Variants in UBN1 observed in about 807,000 individuals in gnomAD.
UBN1 encodes ubinuclein-1.
Under a neutral mutation model 108.5 loss-of-function variants are expected in UBN1, and 17 were observed. That is an observed-to-expected ratio of 0.16 (90% confidence interval 0.11 to 0.24). The LOEUF (loss-of-function observed/expected upper bound fraction) is 0.24, where lower values mean the gene tolerates loss of function less well. Among genes scored for constraint, UBN1 ranks in the 10% least tolerant of loss-of-function variants. The pLI is 1.00. For missense variants in UBN1, 1,595 were observed against 1,394.4 expected (o/e 1.14, Z -2.29); for synonymous variants, 726 against 564.2 (o/e 1.29, Z -4.07).
chr16:4,880,012 G>T, intron 17 of UBN1, 71 bp from the exon 18 acceptor site: 1 of 1,550,300 alleles, frequency 6.5e-7, no homozygotes, highest in South Asian at 1.1e-5. Context: ...CTTGAAGTTT[G>T]GTTACTACTG....
chr16:4,865,941 A>T (rs1235651252), intron 7 of UBN1, among the ~76,000 whole-genome samples: 1 of 152,156 alleles, frequency 6.6e-6, no homozygotes, highest in Non-Finnish European at 1.5e-5. Flanking sequence ...CAGCCTGGGC[A>T]ACAGAACAAG....
At chr16:4,874,035 T>G (rs1307279406) in intron 14 of UBN1, among the ~76,000 whole-genome samples, 176 bp from the exon 15 acceptor site, 1 of 152,138 alleles carries the variant, frequency 6.6e-6, no homozygotes, top group African/African-American at 2.4e-5. Context: ...GGTGATGAAG[T>G]CATGGCATCT....
Position 4,881,571 on chromosome 16 carries a change from G to C in UBN1, c.*1439G>C, listed in dbSNP as rs1290456678. ...GACCGCTCTTGGCTCCTGACTCCCA[G>C]GGTACAGCGCCCAGTAACTCATCCT... On this transcript the variant is annotated 3_prime_UTR_variant, in exon 18 of 18. Coordinates refer to ENST00000262376, the MANE Select transcript of UBN1 (RefSeq NM_001079514.3). The C allele has an allele frequency of 6.6e-6, 1 of 152,158 alleles. No homozygotes were observed. Among genetic ancestry groups the C allele is most frequent in the Non-Finnish European group, 1.5e-5 (1 of 68,040 alleles). The allele number at this position is 152,158 out of a possible 1,614,324, so 9.4% of individuals were successfully genotyped here. A position where few individuals can be genotyped will look rare whatever the true frequency, so the allele number is the denominator to read the frequency against.
chr16:4,864,446 G>C (rs1003320125), intron 7 of UBN1, among the ~76,000 whole-genome samples: 2 of 152,196 alleles, frequency 1.3e-5, no homozygotes, highest in African/African-American at 2.4e-5. Flanking sequence ...CCTTGGTGAT[G>C]CCTCTGCCAC....
chr16:4,855,251 T>C (rs1334560315), intron 2 of UBN1, among the ~76,000 whole-genome samples: 1 of 152,198 alleles, frequency 6.6e-6, no homozygotes. Flanking sequence ...GTCGGTCTTA[T>C]TCACAGGTGT....
rs1183528299 is a variant in UBN1 at position 4,852,845 on chromosome 16, C to T, written c.-39-34C>T. ...GGCAGGTAAACTATTTTATCATCTT[C>T]GTTTGACCTGGCCCTTCTTTTCAAT... On this transcript the variant is annotated intron_variant, in intron 1 of 17. Transcript: ENST00000262376. 37 of 1,513,886 alleles carry T rather than the reference C, an allele frequency of 2.4e-5. No homozygotes were observed. In the Admixed American group the frequency reaches 4.0e-4, roughly 16 times the overall value. The allele number at this position is 1,513,886 out of a possible 1,614,324, so 93.8% of individuals were successfully genotyped here.
intron 15 of UBN1, 121 bp from the exon 16 acceptor site, chr16:4,876,750 C>T: frequency 6.8e-7 from 1 of 1,464,954 alleles, no homozygotes; most frequent in Non-Finnish European, 9.1e-7. Flanking sequence ...GGCCATCTGA[C>T]ATGGATGTGT....
intron 7 of UBN1, among the ~76,000 whole-genome samples, chr16:4,863,276 A>T (rs1303081122): frequency 6.6e-6 from 1 of 152,112 alleles, no homozygotes; most frequent in Non-Finnish European, 1.5e-5. Flanking sequence ...GCTTAATGCT[A>T]CTCCGAAGGG....
At position 4,874,847 on chromosome 16, in the gene UBN1, C is replaced by G; in HGVS notation, c.2437C>G (p.Gln813Glu). ...QVKVFHAGTQ[Q>E]QKNFTPPSPF... Reference sequence around the variant, plus strand: ...CAAAGTCTTTCATGCCGGCACTCAGCAGCAGAAAAACTTCACGCCCCCATC... The same window carrying G: ...CAAAGTCTTTCATGCCGGCACTCAGGAGCAGAAAAACTTCACGCCCCCATC... The change falls in exon 15 of 18, where the codon CAG becomes GAG. Residue 813 changes from glutamine (Q) to glutamate (E), a missense_variant. Gln to Glu is a conservative substitution (Grantham distance 29, BLOSUM62 2). This residue lies in a region of UBN1 where 1,398 missense variants were observed against 1,194.7 expected (regional missense o/e 1.17). Coordinates refer to ENST00000262376, the MANE Select transcript of UBN1 (RefSeq NM_001079514.3). The G allele has an allele frequency of 1.9e-6, 3 of 1,614,076 alleles. No homozygotes were observed. The highest frequency in any genetic ancestry group is 2.5e-6 in the Non-Finnish European group (3 of 1,180,050).
chr16:4,881,029 T>A lies in UBN1; in HGVS notation c.*897T>A, dbSNP rs1410605479. 1 of 152,516 alleles carries A rather than the reference T, an allele frequency of 6.6e-6. No homozygotes were observed. Among genetic ancestry groups the A allele is most frequent in the Non-Finnish European group, 1.5e-5 (1 of 68,044 alleles). The allele number at this position is 152,516 out of a possible 1,614,324, so 9.4% of individuals were successfully genotyped here. A position where few individuals can be genotyped will look rare whatever the true frequency, so the allele number is the denominator to read the frequency against. ...TTGCACATCATTATCTGTGCCGTCC[T>A]GACTAGAAGGTTGTCTGGGCCCCCA... On this transcript the variant is annotated 3_prime_UTR_variant, in exon 18 of 18. Coordinates refer to ENST00000262376, the MANE Select transcript of UBN1 (RefSeq NM_001079514.3).
In UBN1 at chr16:4,877,785, T is replaced by C. The variant is rs554792330; in HGVS notation, c.3355+311T>C. ...GAGTTCCTAACCCTCGGCTTGTTTT[T>C]TTCTCTTCAGTTTAAAAAAAAAAAA... is the stretch of plus-strand genomic sequence containing the variant. On this transcript the variant is annotated intron_variant, in intron 17 of 17. Transcript: ENST00000262376. This position sits in a 1 kb window ranked among gnomAD's most constrained non-coding sequence, Gnocchi z 4.3. 9.0e-7 allele frequency: 1 copy of C among 1,107,206 alleles called. No individual in the cohort carries two copies. The highest frequency in any genetic ancestry group is 4.6e-5 in the South Asian group (1 of 21,914). 68.6% of individuals were successfully genotyped at this position (1,107,206 alleles called of 1,614,324 possible). A position where few individuals can be genotyped will look rare whatever the true frequency, so the allele number is the denominator to read the frequency against.
Position 4,876,872 on chromosome 16 carries a change from A to G in UBN1, c.3026A>G (p.Lys1009Arg), listed in dbSNP as rs751554065. The change falls in exon 16 of 18, where the codon AAA becomes AGA. Residue 1009 changes from lysine to arginine, a missense_variant and splice_region_variant. This residue lies in a region of UBN1 where 1,398 missense variants were observed against 1,194.7 expected (regional missense o/e 1.17). Coordinates refer to ENST00000262376, the MANE Select transcript of UBN1 (RefSeq NM_001079514.3). ...SSVTSSTSLS[K>R]GASGTVLLAG... ...CCGCTTGCTGTGTTTCTTCCCTAGAAAGGAGCGAGTGGGACTGTGCTGCTG... is the reference window on the plus strand; with the variant it reads ...CCGCTTGCTGTGTTTCTTCCCTAGAGAGGAGCGAGTGGGACTGTGCTGCTG... 6.3e-7 allele frequency: 1 copy of G among 1,583,804 alleles called. No homozygotes were observed. The highest frequency in any genetic ancestry group is 1.2e-5 in the South Asian group (1 of 86,852).
intron 14 of UBN1, among the ~76,000 whole-genome samples, chr16:4,873,659 G>C (rs969191679): frequency 6.6e-6 from 1 of 152,158 alleles, no homozygotes; most frequent in African/African-American, 2.4e-5. Flanking sequence ...CTAAGTATCT[G>C]TTGAGCTCCC....
At chr16:4,863,678 C>G (rs2087176739) in intron 7 of UBN1, among the ~76,000 whole-genome samples, 2 of 152,122 alleles carry the variant, frequency 1.3e-5, no homozygotes, top group Admixed American at 6.5e-5. Flanking sequence ...AGGTGACACA[C>G]AAATCAGTTT....
chr16:4,861,023 A>T lies in UBN1; in HGVS notation c.1031A>T (p.Asp344Val), dbSNP rs1468031946. 6.2e-7 allele frequency: 1 copy of T among 1,614,140 alleles called. No homozygotes were observed. Among genetic ancestry groups the T allele is most frequent in the Admixed American group, 1.7e-5 (1 of 60,020 alleles). ...AGTGATTCCCTTGGGGTGGGATTGGACCAGGAATTCAGGCAGCCCTCTTCT... is the reference window on the plus strand; with the variant it reads ...AGTGATTCCCTTGGGGTGGGATTGGTCCAGGAATTCAGGCAGCCCTCTTCT... ...DGSDSLGVGL[D>V]QEFRQPSSLP... Residue 344 changes from aspartate to valine, a missense_variant, in exon 7 of 18, where the codon GAC becomes GTC. Transcript: ENST00000262376.
intron 4 of UBN1, 140 bp from the exon 5 acceptor site, chr16:4,858,884 CA>C (rs753807060): frequency 2.6e-6 from 3 of 1,168,552 alleles, no homozygotes; most frequent in Non-Finnish European, 3.7e-6. Flanking sequence ...GTAGCTCAGA[CA>C]TTCATGTTTG....
intron 1 of UBN1, among the ~76,000 whole-genome samples, chr16:4,849,967 C>CAAAAAAAAAAAAA (rs1427006025): frequency 8.5e-6 from 1 of 117,710 alleles, no homozygotes; most frequent in African/African-American, 3.2e-5. Flanking sequence ...AAAAAAAAAA[C>CAAAAAAAAAAAAA]CACAAAAAAA....
chr16:4,860,107 A>G (rs1183539488), intron 6 of UBN1, 139 bp downstream of exon 6: 1 of 1,030,160 alleles, frequency 9.7e-7, no homozygotes, highest in East Asian at 2.6e-5. Context: ...CGCCTCCCGC[A>G]GTGCCATTCT....
chr16:4,870,498 G>A lies in UBN1; in HGVS notation c.1312-18G>A, dbSNP rs759363813. On this transcript the variant is annotated intron_variant, in intron 9 of 17. Coordinates refer to ENST00000262376, the MANE Select transcript of UBN1 (RefSeq NM_001079514.3). ...GCGATGTGTAAACCTGCCTTGAATT[G>A]TGTCCCGCTCTTCGCAGGGGGGCCG... 9 of 1,614,130 alleles carry A rather than the reference G, an allele frequency of 5.6e-6. No homozygotes were observed. The highest frequency in any genetic ancestry group is 1.6e-4 in the Middle Eastern group (1 of 6,062).
Sources: gnomAD v4.1 joint callset for allele counts (sites outside exome capture counted in the v4.1 genomes callset) on GRCh38, gnomAD v4.1.1 for gene constraint, gnomAD v4.1.1 regional missense constraint, Gnocchi (gnomAD v3.1) non-coding constraint, MANE v1.5 for transcripts, NCBI Gene and HGNC (gene_info 2026-07-23, HGNC 2026-07-21) for gene names.